PKP4: variants seen among roughly 807,000 people sequenced by gnomAD.
PKP4 encodes plakophilin 4, also known as plakophilin-4.
A neutral mutation model predicts 145.1 loss-of-function variants in PKP4; 90 were observed. The ratio of observed to expected loss-of-function variants is 0.62; its 90% CI spans 0.52 to 0.74. PKP4 has a LOEUF of 0.74. PKP4 is among the 30% of genes least tolerant of loss of function. PKP4 has a pLI of 0.00. For missense variants in PKP4, 1,340 were observed against 1,482.7 expected, an observed-to-expected ratio of 0.90 and a Z score of 1.58; for synonymous variants, 563 against 577.2, an observed-to-expected ratio of 0.98 and a Z score of 0.35.
intron 3 of PKP4, among the ~76,000 whole-genome samples, chr2:158,589,357 T>C (rs1215019224): frequency 6.6e-6 from 1 of 152,170 alleles, no homozygotes; most frequent in Non-Finnish European, 1.5e-5. Flanking sequence ...TGCTTTACCA[T>C]TGGAGTGTCA....
At chr2:158,577,004 A>G (rs2047911224) in intron 2 of PKP4, among the ~76,000 whole-genome samples, 1 of 152,268 alleles carries the variant, frequency 6.6e-6, no homozygotes, top group Non-Finnish European at 1.5e-5. Flanking sequence ...CTGTTTGAAG[A>G]CCTCAGAACC....
At chr2:158,469,711 C>T (rs535248646) in intron 1 of PKP4, among the ~76,000 whole-genome samples, 2 of 152,328 alleles carry the variant, frequency 1.3e-5, no homozygotes, top group East Asian at 3.9e-4. Flanking sequence ...TAAGTGTTGA[C>T]TGTACAATCA....
chr2:158,636,711 T>C (rs1314775244), intron 9 of PKP4, among the ~76,000 whole-genome samples: 1 of 152,182 alleles, frequency 6.6e-6, no homozygotes, highest in Non-Finnish European at 1.5e-5. Context: ...AAATCTTTTT[T>C]CCCTGTATTC....
chr2:158,677,499 C>T (rs2058107499), intron 20 of PKP4: 1 of 158,278 alleles, frequency 6.3e-6, no homozygotes, highest in South Asian at 1.8e-4. Flanking sequence ...TCATACTGTT[C>T]CCATTCTCAA....
rs368465394 is a variant in PKP4, at chr2:158,666,461, A to G, written c.2626A>G (p.Ile876Val). 17 of 1,612,032 alleles carry G rather than the reference A, an allele frequency of 1.1e-5. No homozygotes were observed. Among genetic ancestry groups the G allele is most frequent in the Non-Finnish European group, 1.7e-6 (2 of 1,179,400 alleles). Residue 876 changes from isoleucine to valine, a missense_variant, in exon 16 of 22, where the codon ATC becomes GTC. By Grantham distance (29) the Ile-to-Val change is conservative (BLOSUM62 3). Transcript: ENST00000389759. ...AAVRKEKGLP[I>V]LVELLRMDND... ...CGTCCGAAAAGAAAAGGGGCTCCCC[A>G]TCCTTGTGGAGCTTCTGAGAATGGA...
At chr2:158,461,283 A>T (rs1231957102) in intron 1 of PKP4, among the ~76,000 whole-genome samples, 1 of 152,166 alleles carries the variant, frequency 6.6e-6, no homozygotes, top group Non-Finnish European at 1.5e-5. Flanking sequence ...AAACTTAGGA[A>T]TGTTGCAGAC....
intron 3 of PKP4, among the ~76,000 whole-genome samples, chr2:158,583,562 C>A (rs1308122678): frequency 6.6e-6 from 1 of 152,006 alleles, no homozygotes; most frequent in African/African-American, 2.4e-5. Context: ...AAAATTCAAC[C>A]CTTTGTAGTG....
At chr2:158,526,771 A>G (rs1465097277) in intron 1 of PKP4, among the ~76,000 whole-genome samples, 1 of 75,938 alleles carries the variant, frequency 1.3e-5, no homozygotes, top group Non-Finnish European at 2.5e-5. Context: ...TAAGCTGATA[A>G]GCAACTTCAG....
At chr2:158,615,971 T>G (rs2051564493) in intron 4 of PKP4, among the ~76,000 whole-genome samples, 1 of 152,128 alleles carries the variant, frequency 6.6e-6, no homozygotes, top group Non-Finnish European at 1.5e-5. Flanking sequence ...CCAGAAATAG[T>G]TTCAAGAAAC....
chr2:158,550,143 A>ATTTTATTAAATTCTATTTAT (rs564291706), intron 2 of PKP4, among the ~76,000 whole-genome samples: 1 of 147,046 alleles, frequency 6.8e-6, no homozygotes, highest in Non-Finnish European at 1.5e-5. Context: ...TGCCAAGAAG[A>ATTTTATTAAATTCTATTTAT]AGTTAAACAA....
intron 16 of PKP4, 72 bp from the exon 17 acceptor site, chr2:158,669,648 C>A: frequency 1.6e-6 from 2 of 1,232,058 alleles, no homozygotes; most frequent in Non-Finnish European, 1.1e-6. Context: ...TTGCATGCCA[C>A]CAGAATCTGA....
At chr2:158,462,964 G>A (rs1338455347) in intron 1 of PKP4, among the ~76,000 whole-genome samples, 1 of 152,166 alleles carries the variant, frequency 6.6e-6, no homozygotes, top group Non-Finnish European at 1.5e-5. Context: ...TTTTATGATG[G>A]TTTCTGCAGC....
chr2:158,514,651 G>A (rs2041793194), intron 1 of PKP4, among the ~76,000 whole-genome samples: 2 of 152,096 alleles, frequency 1.3e-5, no homozygotes, highest in Non-Finnish European at 2.9e-5. Context: ...TTAAAAAATT[G>A]CAAATTAGCC....
At chr2:158,567,882 TC>T (rs2047120167) in intron 2 of PKP4, among the ~76,000 whole-genome samples, 1 of 152,162 alleles carries the variant, frequency 6.6e-6, no homozygotes, top group African/African-American at 2.4e-5. Flanking sequence ...ATTTGGGAAA[TC>T]ACTTAATGTG....
At chr2:158,501,627 CTT>C (rs1357012900) in intron 1 of PKP4, among the ~76,000 whole-genome samples, 1 of 152,246 alleles carries the variant, frequency 6.6e-6, no homozygotes, top group Non-Finnish European at 1.5e-5. Context: ...TGCTCCAGGA[CTT>C]TGCCTCCCCT....
rs114232731 is a variant in PKP4 at position 158,555,564 on chromosome 2, T to G, written c.133-21707T>G. Among the ~76,000 whole-genome samples the G allele has an allele frequency of 9.2e-3, 1,397 of 152,310 alleles. 23 individuals carry two copies. The highest frequency in any genetic ancestry group is 0.032 in the African/African-American group (1,328 of 41,574). Reference sequence around the variant, plus strand: ...TTTGATTTAAATATTTCTGAAATGTTTTACTGCCTGCAACACAATTTATAC... The same window carrying G: ...TTTGATTTAAATATTTCTGAAATGTGTTACTGCCTGCAACACAATTTATAC... On this transcript the variant is annotated intron_variant, in intron 2 of 21. Coordinates refer to ENST00000389759, the MANE Select transcript of PKP4 (RefSeq NM_003628.6).
intron 1 of PKP4, among the ~76,000 whole-genome samples, chr2:158,474,881 G>A (rs1174922714): frequency 6.6e-6 from 1 of 152,184 alleles, no homozygotes; most frequent in Non-Finnish European, 1.5e-5. Flanking sequence ...CCTGACTGAT[G>A]CCTTGTGGGG....
chr2:158,662,935 C>T lies in PKP4; in HGVS notation c.2250C>T (p.Ser750=), dbSNP rs1355185752. ...ENCVCTLRNL[S]YRLELEVPQA... is the part of the protein sequence containing the mutation. ...GCGTGTGCACCCTGAGGAACCTGTCCTATCGGCTGGAGCTGGAGGTGCCCC... is the reference window on the plus strand; with the variant it reads ...GCGTGTGCACCCTGAGGAACCTGTCTTATCGGCTGGAGCTGGAGGTGCCCC... Residue 750 remains serine (S), a synonymous_variant, in exon 14 of 22, where the codon TCC becomes TCT. Transcript: ENST00000389759. 24 of 1,612,670 alleles carry T rather than the reference C, an allele frequency of 1.5e-5. No individual in the cohort carries two copies. The East Asian group carries it at 5.3e-4, about 36-fold the overall frequency.
intron 3 of PKP4, among the ~76,000 whole-genome samples, chr2:158,585,645 A>C (rs2048737655): frequency 1.3e-5 from 2 of 152,182 alleles, no homozygotes; most frequent in Admixed American, 1.3e-4. Context: ...TTTGTGCTTT[A>C]ACAGTTTATT....
Sources: allele counts gnomAD v4.1 joint callset (sites outside exome capture counted in the v4.1 genomes callset), GRCh38; gene constraint gnomAD v4.1.1; transcripts MANE v1.5; gene names NCBI Gene and HGNC (gene_info 2026-07-23, HGNC 2026-07-21).